The following SIRT1 variants were observed in gnomAD, a reference collection of about 807,000 sequenced individuals.
SIRT1 encodes the protein NAD-dependent protein deacetylase sirtuin-1.
SIRT1 carries 24 observed loss-of-function variants against 67.9 expected under a neutral mutation model. That is an observed-to-expected ratio of 0.35 (90% CI 0.26 to 0.50). The LOEUF (loss-of-function observed/expected upper bound fraction) is 0.50, where lower values mean the gene tolerates loss of function less well. Among genes scored for constraint, SIRT1 ranks in the 20% least tolerant of loss-of-function variants. SIRT1 has a pLI of 0.98. For missense variants in SIRT1, 873 were observed against 937.2 expected, an observed-to-expected ratio of 0.93 and a Z score of 0.89; for synonymous variants, 378 against 350.7, an observed-to-expected ratio of 1.08 and a Z score of -0.87.
intron 3 of SIRT1, among the ~76,000 whole-genome samples, chr10:67,889,822 A>G (rs1425838373): frequency 6.6e-6 from 1 of 152,128 alleles, no homozygotes; most frequent in Non-Finnish European, 1.5e-5. Flanking sequence ...AGTTTGTTTA[A>G]CTTAAATTGA....
chr10:67,889,975 C>CT (rs35424302), intron 3 of SIRT1, among the ~76,000 whole-genome samples: 11,870 of 147,284 alleles, frequency 0.081, 1,231 homozygotes, highest in African/African-American at 0.24. Context: ...TATTATACAC[C>CT]TTTTTTTTTT....
At chr10:67,886,292 T>G (rs1452165018) in intron 1 of SIRT1, among the ~76,000 whole-genome samples, 5 of 151,812 alleles carry the variant, frequency 3.3e-5, no homozygotes, top group Non-Finnish European at 7.4e-5. Context: ...GGTGTTCATC[T>G]TTATCAATAT....
chr10:67,891,588 TTC>T (rs1564884348), intron 4 of SIRT1, 34 bp downstream of exon 4: 2 of 1,592,846 alleles, frequency 1.3e-6, no homozygotes, highest in Non-Finnish European at 1.7e-6. Context: ...TTCTTTGGCC[TTC>T]TCTCATGAAA....
chr10:67,891,107 C>T (rs1285717744), intron 3 of SIRT1, among the ~76,000 whole-genome samples: 1 of 150,516 alleles, frequency 6.6e-6, no homozygotes, highest in Non-Finnish European at 1.5e-5. Context: ...TTATTTTCTT[C>T]TCAAGTTGCA....
chr10:67,908,025 A>C (rs1842847030), intron 5 of SIRT1, 21 bp from the exon 6 acceptor site: 1 of 1,591,412 alleles, frequency 6.3e-7, no homozygotes, highest in African/African-American at 1.3e-5. Context: ...AATAAAGCAT[A>C]TATATGTTGT....
chr10:67,892,189 T>G (rs1842584315), intron 4 of SIRT1, among the ~76,000 whole-genome samples: 1 of 152,268 alleles, frequency 6.6e-6, no homozygotes, highest in Non-Finnish European at 1.5e-5. Context: ...ATTCATCAAA[T>G]ATTAAACAAA....
chr10:67,916,412 C>T lies in SIRT1; in HGVS notation c.2063C>T (p.Pro688Leu). ...GTCQSPSLEEPMEDESEIEEF... is the reference protein window; with the variant it reads ...GTCQSPSLEELMEDESEIEEF... ...TGCCAGAGTCCAAGTTTAGAAGAACCCATGGAGGATGAAAGTGAAATTGAA... is the reference window on the plus strand; with the variant it reads ...TGCCAGAGTCCAAGTTTAGAAGAACTCATGGAGGATGAAAGTGAAATTGAA... Residue 688 changes from proline (P) to leucine (L), a missense_variant, in exon 9 of 9, where the codon CCC becomes CTC. By Grantham distance (98) the Pro-to-Leu change is moderately conservative. This residue lies in a region of SIRT1 where 295 missense variants were observed against 294.5 expected (regional missense o/e 1.00). Coordinates refer to ENST00000212015, the MANE Select transcript of SIRT1 (RefSeq NM_012238.5). 2 of 1,613,982 alleles carry T rather than the reference C, an allele frequency of 1.2e-6. No individual in the cohort carries two copies. The highest frequency in any genetic ancestry group is 2.2e-5 in the South Asian group (2 of 91,078).
intron 4 of SIRT1, among the ~76,000 whole-genome samples, chr10:67,896,951 A>T (rs1383785010): frequency 6.6e-6 from 1 of 151,980 alleles, no homozygotes; most frequent in Non-Finnish European, 1.5e-5. Context: ...ACTTAAGCCC[A>T]GGTGACTGGC....
chr10:67,885,239 G>C, intron 1 of SIRT1, 88 bp downstream of exon 1: 1 of 1,257,912 alleles, frequency 7.9e-7, no homozygotes, highest in East Asian at 3.2e-5. Context: ...GCGGCTGGGG[G>C]CTCGGGGCAG....
In SIRT1 at chr10:67,891,467, A is replaced by G. The variant is rs763131302; in HGVS notation, c.855A>G (p.Val285=). 5.6e-6 allele frequency: 9 copies of G among 1,614,128 alleles called. No homozygotes were observed. Among genetic ancestry groups the G allele is most frequent in the South Asian group, 3.3e-5 (3 of 91,078 alleles). Residue 285 remains valine (V), a synonymous_variant, in exon 4 of 9, where the codon GTA becomes GTG. Coordinates refer to ENST00000212015, the MANE Select transcript of SIRT1 (RefSeq NM_012238.5). ...ATGGTATTTATGCTCGCCTTGCTGT[A>G]GACTTCCCAGATCTTCCAGATCCTC... ...SRDGIYARLA[V]DFPDLPDPQA...
At chr10:67,885,830 G>A (rs1247196811) in intron 1 of SIRT1, among the ~76,000 whole-genome samples, 1 of 151,890 alleles carries the variant, frequency 6.6e-6, no homozygotes, top group African/African-American at 2.4e-5. Context: ...TGCGGTAATG[G>A]TGTTTGGGCT....
chr10:67,901,168 T>G (rs1056543917), intron 4 of SIRT1, among the ~76,000 whole-genome samples: 5 of 151,282 alleles, frequency 3.3e-5, no homozygotes, highest in African/African-American at 1.2e-4. Flanking sequence ...TAGGTTTTCT[T>G]TTTTTTTTGA....
In SIRT1 at chr10:67,912,583, G is replaced by A. The variant is rs1063113; in HGVS notation, c.1467G>A (p.Leu489=). The change falls in exon 8 of 9, where the codon TTG becomes TTA. Residue 489 remains leucine (L), a synonymous_variant. Transcript: ENST00000212015. ...LGDCDVIINE[L]CHRLGGEYAK... is the part of the protein sequence containing the mutation. Reference sequence around the variant, plus strand: ...ACTGTGATGTCATAATTAATGAATTGTGTCATAGGTTAGGTGGTGAATATG... The same window carrying A: ...ACTGTGATGTCATAATTAATGAATTATGTCATAGGTTAGGTGGTGAATATG... The A allele has an allele frequency of 1.2e-6, 2 of 1,614,036 alleles. No individual in the cohort carries two copies. Among genetic ancestry groups the A allele is most frequent in the East Asian group, 2.2e-5 (1 of 44,860 alleles).
intron 4 of SIRT1, among the ~76,000 whole-genome samples, chr10:67,902,698 A>C (rs1442902581): frequency 6.6e-6 from 1 of 152,180 alleles, no homozygotes; most frequent in Admixed American, 6.6e-5. Context: ...CAGCAACTCT[A>C]CTTAACTGCC....
At chr10:67,901,982 T>G (rs545879512) in intron 4 of SIRT1, among the ~76,000 whole-genome samples, 1 of 63,020 alleles carries the variant, frequency 1.6e-5, no homozygotes, top group South Asian at 9.9e-4. Context: ...TATACAATAT[T>G]TGTTTTTGTT....
intron 4 of SIRT1, among the ~76,000 whole-genome samples, chr10:67,904,131 T>TTTTG (rs1842785981): frequency 7.0e-6 from 1 of 143,402 alleles, no homozygotes; most frequent in African/African-American, 2.6e-5. Context: ...TTGTTTGTTT[T>TTTTG]TTTTTTTTTT....
Position 67,908,037 on chromosome 10 carries a change from T to A in SIRT1, c.1091-9T>A. ...TTTAATAAAGCATATATATGTTGTT[T>A]GTTTTTAGGTTCCTTTGCAACAGCA... On this transcript the variant is annotated splice_polypyrimidine_tract_variant and intron_variant, in intron 5 of 8. Transcript: ENST00000212015. The A allele has an allele frequency of 6.2e-7, 1 of 1,610,576 alleles. No individual in the cohort carries two copies. Among genetic ancestry groups the A allele is most frequent in the Non-Finnish European group, 8.5e-7 (1 of 1,177,456 alleles).
chr10:67,887,222 AACTG>A (rs1176581997), intron 1 of SIRT1, among the ~76,000 whole-genome samples, 191 bp from the exon 2 acceptor site: 1 of 152,148 alleles, frequency 6.6e-6, no homozygotes, highest in African/African-American at 2.4e-5. Flanking sequence ...TTTTGGCTGA[AACTG>A]AGTGAGCAGA....
chr10:67,912,925 T>C lies in SIRT1; in HGVS notation c.1809T>C (p.Val603=). 6.2e-7 allele frequency: 1 copy of C among 1,614,186 alleles called. No individual in the cohort carries two copies. The highest frequency in any genetic ancestry group is 8.5e-7 in the Non-Finnish European group (1 of 1,180,024). Residue 603 remains valine (V), a synonymous_variant, in exon 8 of 9, where the codon GTT becomes GTC. Coordinates refer to ENST00000212015, the MANE Select transcript of SIRT1 (RefSeq NM_012238.5). ...TGGAAAATCCGGATTTGAAGAATGT[T>C]GGTTCTAGTACTGGGGAGAAAAATG... ...EQMENPDLKN[V]GSSTGEKNER...
Sources: allele counts gnomAD v4.1 joint callset (sites outside exome capture counted in the v4.1 genomes callset), GRCh38; gene constraint gnomAD v4.1.1; regional missense constraint gnomAD v4.1.1; transcripts MANE v1.5; gene names NCBI Gene and HGNC (gene_info 2026-07-23, HGNC 2026-07-21).